The following EIPR1 variants were observed in gnomAD, a reference collection of about 807,000 sequenced individuals.
EIPR1 encodes the protein EARP complex and GARP complex interacting protein 1, also known as EARP and GARP complex-interacting protein 1.
A neutral mutation model predicts 48.1 loss-of-function variants in EIPR1; 25 were observed. The observed-to-expected ratio is 0.52, with a 90% confidence interval of 0.38 to 0.73. The LOEUF (loss-of-function observed/expected upper bound fraction) is 0.73. Among genes scored for constraint, EIPR1 ranks in the 30% least tolerant of loss-of-function variants. The probability of loss-of-function intolerance (pLI) is 0.00; values close to 1 mark genes in which losing one functional copy is unlikely to be tolerated. For missense variants in EIPR1, 415 were observed against 506.2 expected (o/e 0.82, Z 1.73); for synonymous variants, 204 against 201.9 (o/e 1.01, Z -0.09).
intron 2 of EIPR1, among the ~76,000 whole-genome samples, chr2:3,341,079 G>C (rs770011035): frequency 1.8e-5 from 2 of 111,032 alleles, no homozygotes; most frequent in Non-Finnish European, 3.4e-5. Context: ...CTGGGTGACA[G>C]AGTGAGATCC....
At chr2:3,193,898 A>C in intron 7 of EIPR1, 101 bp downstream of exon 7, 1 of 1,308,086 alleles carries the variant, frequency 7.6e-7, no homozygotes, top group Non-Finnish European at 1.1e-6. Flanking sequence ...GATTCACAGC[A>C]GCACAAACTA....
intron 3 of EIPR1, among the ~76,000 whole-genome samples, chr2:3,322,432 T>C (rs7582140): frequency 0.46 from 69,409 of 152,082 alleles, 17,173 homozygotes; most frequent in East Asian, 0.81. Flanking sequence ...GAGCAGGAAA[T>C]AGAAAAGGGT....
chr2:3,371,744 G>A (rs985490437), intron 1 of EIPR1, among the ~76,000 whole-genome samples: 1 of 152,126 alleles, frequency 6.6e-6, no homozygotes, highest in South Asian at 2.1e-4. Flanking sequence ...AGTCCTGAGT[G>A]ACCTACAAAG....
chr2:3,338,877 A>T (rs1047779518), intron 2 of EIPR1, among the ~76,000 whole-genome samples: 1 of 152,232 alleles, frequency 6.6e-6, no homozygotes, highest in Non-Finnish European at 1.5e-5. Context: ...AGTCAATGAG[A>T]AAACATAATT....
intron 3 of EIPR1, among the ~76,000 whole-genome samples, chr2:3,263,326 G>A (rs1040020953): frequency 6.6e-6 from 1 of 152,160 alleles, no homozygotes; most frequent in Non-Finnish European, 1.5e-5. Context: ...AGAAATTGGA[G>A]ACCCACCCAC....
rs373827330 is a variant in EIPR1, at chr2:3,295,881, C to A, written c.260-38426G>T. On this transcript the variant is annotated intron_variant, in intron 3 of 8. Coordinates refer to ENST00000382125, the MANE Select transcript of EIPR1 (RefSeq NM_003310.5). ...AGCCCATCCTCTCTCTGCACACACCCTCCATCCAGCCCATTCTCTCTTTAC... is the reference window on the plus strand; with the variant it reads ...AGCCCATCCTCTCTCTGCACACACCATCCATCCAGCCCATTCTCTCTTTAC... Among the ~76,000 whole-genome samples the A allele has an allele frequency of 1.5e-3, 211 of 138,456 alleles. 1 individual carries two copies. Among genetic ancestry groups the A allele is most frequent in the African/African-American group, 5.6e-3 (202 of 36,034 alleles). 90.8% of individuals were successfully genotyped at this position (138,456 alleles called of 152,430 possible). A position where few individuals can be genotyped will look rare whatever the true frequency, so the allele number is the denominator to read the frequency against.
At chr2:3,241,243 G>A (rs1470353398) in intron 4 of EIPR1, among the ~76,000 whole-genome samples, 5 of 152,212 alleles carry the variant, frequency 3.3e-5, no homozygotes, top group African/African-American at 7.2e-5. Flanking sequence ...AGGCACCTCC[G>A]CAGAGCTGAG....
intron 5 of EIPR1, among the ~76,000 whole-genome samples, chr2:3,202,470 A>G (rs1333086698): frequency 6.6e-6 from 1 of 152,244 alleles, no homozygotes; most frequent in Non-Finnish European, 1.5e-5. Context: ...ACTAATCGAT[A>G]CTGTGTTCCA....
At chr2:3,237,533 C>T (rs1160439080) in intron 4 of EIPR1, among the ~76,000 whole-genome samples, 4 of 152,126 alleles carry the variant, frequency 2.6e-5, no homozygotes, top group Admixed American at 6.5e-5. Context: ...AAGCACTGTA[C>T]GTCTGGGGTT....
chr2:3,340,748 C>T (rs1344454398), intron 2 of EIPR1, among the ~76,000 whole-genome samples: 1 of 152,106 alleles, frequency 6.6e-6, no homozygotes, highest in Non-Finnish European at 1.5e-5. Flanking sequence ...AGAATTTTCA[C>T]GGCAGATATA....
At chr2:3,332,510 G>A (rs1360970437) in intron 3 of EIPR1, among the ~76,000 whole-genome samples, 4 of 152,190 alleles carry the variant, frequency 2.6e-5, no homozygotes, top group Admixed American at 6.5e-5. Context: ...GGAGGCCTGC[G>A]TCCTCCTCGG....
intron 5 of EIPR1, among the ~76,000 whole-genome samples, chr2:3,198,570 T>C (rs1203813642): frequency 6.6e-6 from 1 of 152,190 alleles, no homozygotes; most frequent in Admixed American, 6.5e-5. Context: ...ACGTAGGTTC[T>C]TTTCTATTTT....
intron 3 of EIPR1, among the ~76,000 whole-genome samples, chr2:3,308,260 G>A (rs1198053031): frequency 6.6e-6 from 1 of 152,154 alleles, no homozygotes; most frequent in East Asian, 1.9e-4. Flanking sequence ...AAATTTGAAT[G>A]AGAAAAGACA....
intron 1 of EIPR1, among the ~76,000 whole-genome samples, chr2:3,360,062 C>T (rs552901800): frequency 6.6e-6 from 1 of 152,256 alleles, no homozygotes; most frequent in East Asian, 1.9e-4. Context: ...GAACACAGGT[C>T]CCTTTATACT....
At chr2:3,235,462 A>ACAC (rs34325654) in intron 4 of EIPR1, among the ~76,000 whole-genome samples, 4 of 151,534 alleles carry the variant, frequency 2.6e-5, no homozygotes, top group Non-Finnish European at 4.4e-5. Context: ...ACACACACAC[A>ACAC]CCCCCCAATA....
chr2:3,194,686 A>T (rs1213554324), intron 6 of EIPR1, among the ~76,000 whole-genome samples: 1 of 46,694 alleles, frequency 2.1e-5, no homozygotes, highest in African/African-American at 8.7e-5. Context: ...ATATACAGAG[A>T]GAGAGAGAAA....
Position 3,214,201 on chromosome 2 carries a change from G to A in EIPR1, c.464C>T (p.Ala155Val). The change falls in exon 5 of 9, where the codon GCT becomes GTT. Residue 155 changes from alanine to valine, a missense_variant. By Grantham distance (64) the Ala-to-Val change is moderately conservative (BLOSUM62 0). Coordinates refer to ENST00000382125, the MANE Select transcript of EIPR1 (RefSeq NM_003310.5). The part of the protein sequence containing the change: ...MGDGKKIISL[A>V]DNHILLWDLQ... ...ATCCCACAGCAGGATATGGTTATCA[G>A]CCAAGGAAATGATTTTCTTCCCATC... 2 of 1,613,802 alleles carry A rather than the reference G, an allele frequency of 1.2e-6. No individual in the cohort carries two copies. The highest frequency in any genetic ancestry group is 1.7e-6 in the Non-Finnish European group (2 of 1,179,882).
intron 1 of EIPR1, among the ~76,000 whole-genome samples, chr2:3,359,739 G>C (rs1670809640): frequency 6.6e-6 from 1 of 152,186 alleles, no homozygotes; most frequent in African/African-American, 2.4e-5. Context: ...TAGTCAGAAT[G>C]ATCGTTTTAC....
At chr2:3,296,139 GCA>G (rs1668581338) in intron 3 of EIPR1, among the ~76,000 whole-genome samples, 1 of 13,832 alleles carries the variant, frequency 7.2e-5, no homozygotes, top group Admixed American at 8.5e-4. Flanking sequence ...CATCCTCTCT[GCA>G]CACACACACC....
Sources: gnomAD v4.1 joint callset for allele counts (sites outside exome capture counted in the v4.1 genomes callset) on GRCh38, gnomAD v4.1.1 for gene constraint, MANE v1.5 for transcripts, NCBI Gene and HGNC (gene_info 2026-07-23, HGNC 2026-07-21) for gene names.